Variants in SH3D19 observed in about 807,000 individuals in gnomAD.
SH3D19 encodes SH3 domain-containing protein 19.
SH3D19 carries 58 observed loss-of-function variants against 112.1 expected under a neutral mutation model. The observed-to-expected ratio is 0.52, with a 90% CI of 0.42 to 0.64. The LOEUF (loss-of-function observed/expected upper bound fraction) is 0.64. Ranked by LOEUF, SH3D19 falls within the 30% of genes least tolerant of loss-of-function variation. The pLI is 0.00. For synonymous variants in SH3D19, 391 were observed against 448.5 expected, an observed-to-expected ratio of 0.87 and a Z score of 1.62; for missense variants, 1,090 against 1,263.4, an observed-to-expected ratio of 0.86 and a Z score of 2.08.
At chr4:151,139,888 A>G in intron 12 of SH3D19, 41 bp from the exon 13 acceptor site, 1 of 1,593,574 alleles carries the variant, frequency 6.3e-7, no homozygotes, top group East Asian at 2.2e-5. Flanking sequence ...TGTGCAGGAT[A>G]GATGGTGGAT....
At chr4:151,319,178 A>G (rs1191469172) in intron 1 of SH3D19, among the ~76,000 whole-genome samples, 3 of 152,182 alleles carry the variant, frequency 2.0e-5, no homozygotes, top group African/African-American at 2.4e-5. Context: ...GCTCCCGAGT[A>G]GCTGGGATTA....
intron 1 of SH3D19, among the ~76,000 whole-genome samples, chr4:151,321,227 C>T (rs1730499606): frequency 1.3e-5 from 2 of 152,214 alleles, no homozygotes; most frequent in Admixed American, 1.3e-4. Context: ...CTTGATTTGC[C>T]TGGGACTGAG....
rs992175725 is a variant in SH3D19, at chr4:151,121,433, G to C, written c.*658C>G. On this transcript the variant is annotated 3_prime_UTR_variant, in exon 20 of 20. Coordinates refer to ENST00000604030, the MANE Select transcript of SH3D19 (RefSeq NM_001378122.1). ...TTTCAGGGATGGTTTTGGTTCTTTA[G>C]ACTAAGTAAGATACATCCAATTTAG... 6 of 36,274 alleles carry C rather than the reference G, an allele frequency of 1.7e-4. No homozygotes were observed. Among genetic ancestry groups the C allele is most frequent in the Non-Finnish European group, 4.3e-4 (3 of 7,010 alleles). The allele number at this position is 36,274 out of a possible 1,614,324, so 2.2% of individuals were successfully genotyped here.
At position 151,148,070 on chromosome 4, in the gene SH3D19, T is replaced by C. The variant is rs1413431590; in HGVS notation, c.1934A>G (p.Asn645Ser). The change falls in exon 11 of 20, where the codon AAT (asparagine) becomes AGT (serine). Residue 645 changes from asparagine (N) to serine (S), a missense_variant. Physicochemically the swap from Asn to Ser is conservative, Grantham distance 46. Transcript: ENST00000604030. ...AAGATCCATGTCAGAAGAGGATCGA[T>C]TAAAAGGCAGTTTCTTATTAGATCT... ...TRRSNKKLPFNRSSSDMDLQK... is the reference protein window; with the variant it reads ...TRRSNKKLPFSRSSSDMDLQK... 1 of 1,614,124 alleles carries C rather than the reference T, an allele frequency of 6.2e-7. No homozygotes were observed. The highest frequency in any genetic ancestry group is 1.1e-5 in the South Asian group (1 of 91,082).
chr4:151,256,635 A>G (rs932305804), intron 1 of SH3D19, among the ~76,000 whole-genome samples: 1 of 151,754 alleles, frequency 6.6e-6, no homozygotes, highest in African/African-American at 2.4e-5. Context: ...TCTCCTGACT[A>G]AAGAGTATTG....
chr4:151,215,226 T>A (rs1365380645), intron 2 of SH3D19, among the ~76,000 whole-genome samples: 1 of 152,188 alleles, frequency 6.6e-6, no homozygotes, highest in Non-Finnish European at 1.5e-5. Flanking sequence ...CCGGCCTCAT[T>A]AAAATATTCT....
chr4:151,201,103 A>G (rs112723966), intron 2 of SH3D19, among the ~76,000 whole-genome samples: 1 of 152,238 alleles, frequency 6.6e-6, no homozygotes, highest in Non-Finnish European at 1.5e-5. Context: ...AAAAATTGCT[A>G]TAGCAAACAA....
At chr4:151,202,094 A>G (rs1477722434) in intron 2 of SH3D19, among the ~76,000 whole-genome samples, 4 of 150,780 alleles carry the variant, frequency 2.7e-5, no homozygotes, top group African/African-American at 9.8e-5. Context: ...CCAGCACTTT[A>G]GGAGGCCGAG....
chr4:151,237,722 C>CTA (rs1770237323), intron 1 of SH3D19, among the ~76,000 whole-genome samples: 1 of 152,160 alleles, frequency 6.6e-6, no homozygotes, highest in African/African-American at 2.4e-5. Context: ...TAAACATCTA[C>CTA]TATTATGATA....
chr4:151,211,174 G>A (rs930790235), intron 2 of SH3D19, among the ~76,000 whole-genome samples: 1 of 151,924 alleles, frequency 6.6e-6, no homozygotes, highest in Non-Finnish European at 1.5e-5. Flanking sequence ...AGAGGCTGAG[G>A]CAGGAGAATC....
intron 1 of SH3D19, among the ~76,000 whole-genome samples, chr4:151,276,513 C>A (rs1291892739): frequency 6.6e-6 from 1 of 152,250 alleles, no homozygotes; most frequent in Middle Eastern, 3.4e-3. Flanking sequence ...CTTCTTAGCT[C>A]AGTACAGAAA....
At chr4:151,264,339 G>A (rs778163695) in intron 1 of SH3D19, among the ~76,000 whole-genome samples, 20 of 151,462 alleles carry the variant, frequency 1.3e-4, no homozygotes, top group Admixed American at 1.3e-4. Context: ...GCTGAGGTAG[G>A]GGGAGAATCG....
At chr4:151,176,266 T>C (rs532115749) in intron 6 of SH3D19, among the ~76,000 whole-genome samples, 2 of 152,324 alleles carry the variant, frequency 1.3e-5, no homozygotes, top group Non-Finnish European at 2.9e-5. Context: ...AGGGAATCAA[T>C]GGTAATACCC....
chr4:151,307,670 G>A (rs1399677584), intron 1 of SH3D19, among the ~76,000 whole-genome samples: 4 of 152,250 alleles, frequency 2.6e-5, no homozygotes, highest in African/African-American at 9.6e-5. Flanking sequence ...GAACTGTGCA[G>A]CAGCTCAAAG....
intron 1 of SH3D19, among the ~76,000 whole-genome samples, chr4:151,274,154 A>T (rs1773421419): frequency 6.6e-6 from 1 of 152,224 alleles, no homozygotes; most frequent in African/African-American, 2.4e-5. Flanking sequence ...TCAAGCAGAC[A>T]CAAATGAAAA....
intron 1 of SH3D19, among the ~76,000 whole-genome samples, chr4:151,250,463 G>C (rs1028477075): frequency 6.6e-6 from 1 of 151,824 alleles, no homozygotes; most frequent in African/African-American, 2.4e-5. Context: ...ATACAGACAT[G>C]TGTATATGGA....
intron 2 of SH3D19, among the ~76,000 whole-genome samples, chr4:151,202,192 G>A (rs975016344): frequency 4.6e-5 from 7 of 151,968 alleles, no homozygotes; most frequent in South Asian, 2.1e-4. Context: ...AAAATTAGCC[G>A]GGCGTGGTGG....
Position 151,250,332 on chromosome 4 carries a change from T to C in SH3D19, c.113-24246A>G, listed in dbSNP as rs551868109. Among the ~76,000 whole-genome samples the C allele has an allele frequency of 9.2e-5, 14 of 152,312 alleles. No homozygotes were observed. The East Asian group carries it at 2.5e-3, about 27-fold the overall frequency. ...GAACAGTAATCAGGTCGGTACATAGTGGCATGGAAGGACTTTGAAAAAAGT... is the reference window on the plus strand; with the variant it reads ...GAACAGTAATCAGGTCGGTACATAGCGGCATGGAAGGACTTTGAAAAAAGT... On this transcript the variant is annotated intron_variant, in intron 1 of 19. Coordinates refer to ENST00000604030, the MANE Select transcript of SH3D19 (RefSeq NM_001378122.1).
intron 1 of SH3D19, among the ~76,000 whole-genome samples, chr4:151,285,385 G>T (rs968279973): frequency 6.6e-6 from 1 of 152,118 alleles, no homozygotes; most frequent in African/African-American, 2.4e-5. Context: ...AAGTTGGAAG[G>T]ATTAAAATTA....
Sources: allele counts gnomAD v4.1 joint callset (sites outside exome capture counted in the v4.1 genomes callset), GRCh38; gene constraint gnomAD v4.1.1; transcripts MANE v1.5; gene names NCBI Gene and HGNC (gene_info 2026-07-23, HGNC 2026-07-21).